NCAM2: variants seen among roughly 807,000 people sequenced by gnomAD.
The protein encoded by NCAM2 is neural cell adhesion molecule 2, also known as N-CAM-2.
Under a neutral mutation model 98.1 loss-of-function variants are expected in NCAM2, and 30 were observed. The observed-to-expected ratio is 0.31, with a 90% CI of 0.23 to 0.41. The LOEUF (loss-of-function observed/expected upper bound fraction) is 0.41, where lower values mean the gene tolerates loss of function less well. Among genes scored for constraint, NCAM2 ranks in the 10% least tolerant of loss-of-function variants. The pLI is 1.00. For missense variants in NCAM2, 867 were observed against 1,005.8 expected, an observed-to-expected ratio of 0.86 and a Z score of 1.87; for synonymous variants, 368 against 342.4, an observed-to-expected ratio of 1.07 and a Z score of -0.83.
At chr21:21,203,086 G>A (rs1463990023) in intron 1 of NCAM2, among the ~76,000 whole-genome samples, 1 of 152,146 alleles carries the variant, frequency 6.6e-6, no homozygotes, top group African/African-American at 2.4e-5. Context: ...AATATAGTTG[G>A]TGTTTTTGAA....
intron 16 of NCAM2, among the ~76,000 whole-genome samples, chr21:21,530,207 AATTTAATTTAATTTAATTATATAT>A (rs1555912587): frequency 0.038 from 1,176 of 31,052 alleles, 71 homozygotes; most frequent in African/African-American, 0.11. Flanking sequence ...AATTATATAT[AATTTAATTTAATTTAATTATATAT>A]ATTTAATTTA....
At chr21:21,246,578 C>T (rs770660092) in intron 1 of NCAM2, among the ~76,000 whole-genome samples, 24 of 151,986 alleles carry the variant, frequency 1.6e-4, no homozygotes, top group Non-Finnish European at 2.5e-4. Flanking sequence ...AATTTTGCCA[C>T]AAATTTGAGG....
At chr21:21,082,374 A>T (rs866218682) in intron 1 of NCAM2, among the ~76,000 whole-genome samples, 1 of 148,476 alleles carries the variant, frequency 6.7e-6, no homozygotes, top group Non-Finnish European at 1.5e-5. Context: ...ATTTCTAATT[A>T]AAAAAAAAAG....
At chr21:21,390,660 A>G (rs1056318905) in intron 9 of NCAM2, among the ~76,000 whole-genome samples, 3 of 152,220 alleles carry the variant, frequency 2.0e-5, no homozygotes, top group Admixed American at 1.3e-4. Context: ...ATTAAAGACA[A>G]GAATTGAGTT....
intron 6 of NCAM2, among the ~76,000 whole-genome samples, chr21:21,331,912 A>ATTTG (rs2074720677): frequency 6.7e-6 from 1 of 148,856 alleles, no homozygotes; most frequent in Non-Finnish European, 1.5e-5. Context: ...TTATTTATTT[A>ATTTG]TTTATTTTGA....
At chr21:21,498,599 T>A (rs887854364) in intron 15 of NCAM2, among the ~76,000 whole-genome samples, 1 of 152,136 alleles carries the variant, frequency 6.6e-6, no homozygotes, top group Non-Finnish European at 1.5e-5. Context: ...ATAAGTGCAT[T>A]TTGTCAGGGA....
intron 5 of NCAM2, among the ~76,000 whole-genome samples, chr21:21,298,629 A>G (rs1568902842): frequency 1.3e-5 from 2 of 148,574 alleles, no homozygotes; most frequent in Admixed American, 1.4e-4. Flanking sequence ...ATAGATAGAT[A>G]GATGATAGAT....
At chr21:21,519,768 A>C (rs2146384940) in intron 16 of NCAM2, among the ~76,000 whole-genome samples, 1 of 152,258 alleles carries the variant, frequency 6.6e-6, no homozygotes, top group Non-Finnish European at 1.5e-5. Flanking sequence ...AAAAGATATA[A>C]AATCTTAATG....
At chr21:21,272,671 G>T (rs1028137695) in intron 1 of NCAM2, among the ~76,000 whole-genome samples, 2 of 152,036 alleles carry the variant, frequency 1.3e-5, no homozygotes, top group African/African-American at 2.4e-5. Context: ...TTTAAAAAAA[G>T]AATGAGTTGG....
intron 1 of NCAM2, among the ~76,000 whole-genome samples, chr21:21,239,946 T>A (rs1354870893): frequency 2.6e-5 from 4 of 152,084 alleles, no homozygotes; most frequent in Non-Finnish European, 4.4e-5. Context: ...GGAAAATCAA[T>A]CTCTTTCTCT....
intron 1 of NCAM2, among the ~76,000 whole-genome samples, chr21:21,062,097 G>T (rs185203469): frequency 1.3e-5 from 2 of 152,096 alleles, no homozygotes; most frequent in South Asian, 4.1e-4. Flanking sequence ...GTGGTATAAT[G>T]TAAAGTTTTA....
At chr21:21,170,752 A>G (rs566859934) in intron 1 of NCAM2, among the ~76,000 whole-genome samples, 4 of 152,306 alleles carry the variant, frequency 2.6e-5, no homozygotes, top group East Asian at 1.9e-4. Context: ...AATGTAAGCC[A>G]TAGACTTTGC....
chr21:21,416,072 C>T (rs1225181180), intron 10 of NCAM2, among the ~76,000 whole-genome samples: 1 of 152,146 alleles, frequency 6.6e-6, no homozygotes, highest in Non-Finnish European at 1.5e-5. Flanking sequence ...CACTAAGCTT[C>T]ATCATGTTTA....
chr21:21,485,610 A>G (rs1986282355), intron 15 of NCAM2, among the ~76,000 whole-genome samples: 1 of 152,222 alleles, frequency 6.6e-6, no homozygotes, highest in African/African-American at 2.4e-5. Context: ...ATCTTTACCT[A>G]AGTAATTTCA....
chr21:20,998,794 G>T lies in NCAM2; in HGVS notation c.55+176G>T, dbSNP rs1352296378. 2.0e-5 allele frequency among the ~76,000 whole-genome samples: 3 copies of T among 152,296 alleles called. No homozygotes were observed. In the East Asian group the frequency reaches 5.8e-4, roughly 29 times the overall value. ...AGCTGTCCCTAAAATTGTATCTGTT[G>T]TGTGGAGACCCTTAAATAAGAGAAG... On this transcript the variant is annotated intron_variant, in intron 1 of 17. Coordinates refer to ENST00000400546, the MANE Select transcript of NCAM2 (RefSeq NM_004540.5).
intron 1 of NCAM2, among the ~76,000 whole-genome samples, chr21:21,142,813 C>T (rs1601484109): frequency 6.6e-6 from 1 of 152,122 alleles, no homozygotes; most frequent in South Asian, 2.1e-4. Flanking sequence ...CCTTATAGTA[C>T]ATGGTTATAA....
At chr21:21,519,222 G>A (rs192738759) in intron 16 of NCAM2, among the ~76,000 whole-genome samples, 16 of 152,204 alleles carry the variant, frequency 1.1e-4, no homozygotes, top group Admixed American at 2.0e-4. Flanking sequence ...TGAAATAGAA[G>A]ACTACTAGAA....
chr21:21,317,575 C>T (rs2074256507), intron 5 of NCAM2, among the ~76,000 whole-genome samples: 1 of 151,946 alleles, frequency 6.6e-6, no homozygotes, highest in African/African-American at 2.4e-5. Context: ...GAGTCTTGCT[C>T]TGTTGACCAG....
At chr21:21,010,221 C>T (rs1397151289) in intron 1 of NCAM2, among the ~76,000 whole-genome samples, 1 of 151,950 alleles carries the variant, frequency 6.6e-6, no homozygotes, top group African/African-American at 2.4e-5. Context: ...TTCAAAGCCC[C>T]CTCATACACG....
Sources: gnomAD v4.1 joint callset for allele counts (sites outside exome capture counted in the v4.1 genomes callset) on GRCh38, gnomAD v4.1.1 for gene constraint, MANE v1.5 for transcripts, NCBI Gene and HGNC (gene_info 2026-07-23, HGNC 2026-07-21) for gene names.